The following PLPP3 variants were observed in gnomAD, a reference collection of about 807,000 sequenced individuals.
The protein encoded by PLPP3 is phospholipid phosphatase 3, also known as PAP2 beta.
PLPP3 carries 6 observed loss-of-function variants against 29.6 expected under a neutral mutation model. The ratio of observed to expected loss-of-function variants is 0.20; its 90% confidence interval spans 0.11 to 0.40. The LOEUF is 0.40. Among genes scored for constraint, PLPP3 ranks in the 10% least tolerant of loss-of-function variants. PLPP3 has a pLI of 1.00. For synonymous variants in PLPP3, 152 were observed against 159.7 expected, an observed-to-expected ratio of 0.95 and a Z score of 0.36; for missense variants, 308 against 407.7, an observed-to-expected ratio of 0.76 and a Z score of 2.11.
At chr1:56,534,323 T>G (rs2100262844) in intron 2 of PLPP3, among the ~76,000 whole-genome samples, 1 of 152,338 alleles carries the variant, frequency 6.6e-6, no homozygotes, top group Non-Finnish European at 1.5e-5. Flanking sequence ...GACTAGGTTT[T>G]TCCATATCTC....
At chr1:56,577,765 C>T (rs1252479865) in intron 1 of PLPP3, among the ~76,000 whole-genome samples, 1 of 152,082 alleles carries the variant, frequency 6.6e-6, no homozygotes, top group African/African-American at 2.4e-5. Flanking sequence ...GTTCCTAATG[C>T]GGGAAGGGGC....
At chr1:56,539,536 G>T (rs548339323) in intron 1 of PLPP3, among the ~76,000 whole-genome samples, 1 of 152,240 alleles carries the variant, frequency 6.6e-6, no homozygotes, top group Admixed American at 6.5e-5. Flanking sequence ...AATTCATACT[G>T]GTGCTTTGAA....
At chr1:56,557,012 G>GAAGGAAAGAA (rs60511169) in intron 1 of PLPP3, among the ~76,000 whole-genome samples, 3 of 9,104 alleles carry the variant, frequency 3.3e-4, no homozygotes, top group Non-Finnish European at 5.3e-4. Context: ...GAAAGAAAGA[G>GAAGGAAAGAA]AGAGAGAGAG....
At chr1:56,563,053 C>G (rs1646140992) in intron 1 of PLPP3, among the ~76,000 whole-genome samples, 1 of 152,160 alleles carries the variant, frequency 6.6e-6, no homozygotes, top group Non-Finnish European at 1.5e-5. Flanking sequence ...AGGAAGAGCC[C>G]TTGCTATGAT....
intron 1 of PLPP3, among the ~76,000 whole-genome samples, chr1:56,545,803 C>G (rs72920450): frequency 6.6e-6 from 1 of 152,176 alleles, no homozygotes; most frequent in Non-Finnish European, 1.5e-5. Flanking sequence ...ATAAACAACA[C>G]GTGGACTGGC....
In PLPP3 at chr1:56,537,065, G is replaced by A. The variant is rs1236594942; in HGVS notation, c.187C>T (p.His63Tyr). 1 of 1,613,582 alleles carries A rather than the reference G, an allele frequency of 6.2e-7. No homozygotes were observed. Among genetic ancestry groups the A allele is most frequent in the Non-Finnish European group, 8.5e-7 (1 of 1,179,814 alleles). Residue 63 changes from histidine to tyrosine, a missense_variant, in exon 2 of 6, where the codon CAC becomes TAC. This residue lies in a region of PLPP3 where 9 missense variants were observed against 29.3 expected (regional missense o/e 0.31). Coordinates refer to ENST00000371250, the MANE Select transcript of PLPP3 (RefSeq NM_003713.5). ...IIETSTIKPY[H>Y]RGFYCNDESI... ...TCATCATTGCAGTAAAACCCTCGGT[G>A]GTAAGGCTTGATGGTGCTTGTCTCG...
At chr1:56,505,745 AT>A (rs1645698147) in intron 5 of PLPP3, among the ~76,000 whole-genome samples, 2 of 152,196 alleles carry the variant, frequency 1.3e-5, no homozygotes, top group Non-Finnish European at 2.9e-5. Flanking sequence ...TTGACTGTTT[AT>A]GTTATCAGTA....
intron 1 of PLPP3, among the ~76,000 whole-genome samples, chr1:56,556,490 G>A (rs1219682519): frequency 6.6e-6 from 1 of 152,044 alleles, no homozygotes; most frequent in Non-Finnish European, 1.5e-5. Context: ...ATGCCAAAAT[G>A]GCAATAGTAT....
At chr1:56,566,572 G>A (rs970670788) in intron 1 of PLPP3, among the ~76,000 whole-genome samples, 1 of 152,104 alleles carries the variant, frequency 6.6e-6, no homozygotes, top group Non-Finnish European at 1.5e-5. Flanking sequence ...CCAAATTCCA[G>A]CCCCGATACA....
intron 1 of PLPP3, among the ~76,000 whole-genome samples, chr1:56,571,942 T>G (rs1646201080): frequency 6.6e-6 from 1 of 151,928 alleles, no homozygotes; most frequent in African/African-American, 2.4e-5. Context: ...ATGATTGGCC[T>G]GTATAATAAA....
At chr1:56,538,394 C>T in intron 1 of PLPP3, 1 of 337,338 alleles carries the variant, frequency 3.0e-6, no homozygotes, top group South Asian at 2.7e-5. Context: ...CTAGGGAAGA[C>T]CACCAAAAAC....
chr1:56,546,014 G>A (rs1646003267), intron 1 of PLPP3, among the ~76,000 whole-genome samples: 1 of 152,202 alleles, frequency 6.6e-6, no homozygotes, highest in Non-Finnish European at 1.5e-5. Flanking sequence ...TCACAAGCTG[G>A]CAGCCCATGG....
intron 1 of PLPP3, among the ~76,000 whole-genome samples, chr1:56,569,587 T>C (rs1022963327): frequency 7.2e-5 from 11 of 152,174 alleles, no homozygotes; most frequent in African/African-American, 2.7e-4. Flanking sequence ...AGGTAGTAGG[T>C]TTCTCTATGA....
chr1:56,549,465 A>G (rs1014793854), intron 1 of PLPP3, among the ~76,000 whole-genome samples: 9 of 152,118 alleles, frequency 5.9e-5, no homozygotes, highest in African/African-American at 2.2e-4. Context: ...ACACTTCCTC[A>G]TCTGCTCTCT....
chr1:56,567,630 C>T (rs1646170469), intron 1 of PLPP3, among the ~76,000 whole-genome samples: 2 of 152,058 alleles, frequency 1.3e-5, no homozygotes, highest in African/African-American at 4.8e-5. Flanking sequence ...ATCTCCTGAC[C>T]TCGTGATCCA....
intron 4 of PLPP3, among the ~76,000 whole-genome samples, chr1:56,521,297 C>T (rs1016655063): frequency 3.4e-5 from 5 of 148,530 alleles, no homozygotes; most frequent in African/African-American, 1.2e-4. Flanking sequence ...TCAGATGTTA[C>T]AAGAGCTGGG....
At chr1:56,504,816 C>G (rs1199021864) in intron 5 of PLPP3, among the ~76,000 whole-genome samples, 3 of 152,114 alleles carry the variant, frequency 2.0e-5, no homozygotes, top group East Asian at 3.9e-4. Flanking sequence ...TCTTGTAACC[C>G]CACTGTCCTC....
At chr1:56,571,187 C>A (rs572776421) in intron 1 of PLPP3, among the ~76,000 whole-genome samples, 61 of 152,336 alleles carry the variant, frequency 4.0e-4, no homozygotes, top group African/African-American at 1.4e-3. Flanking sequence ...CAATTACTAA[C>A]CAACCAAGAC....
intron 5 of PLPP3, among the ~76,000 whole-genome samples, chr1:56,504,419 T>C (rs184142779): frequency 1.3e-5 from 2 of 152,244 alleles, no homozygotes; most frequent in African/African-American, 4.8e-5. Flanking sequence ...CCCAGGGGAC[T>C]GACAGCTCTG....
Sources: allele counts gnomAD v4.1 joint callset (sites outside exome capture counted in the v4.1 genomes callset), GRCh38; gene constraint gnomAD v4.1.1; regional missense constraint gnomAD v4.1.1; transcripts MANE v1.5; gene names NCBI Gene and HGNC (gene_info 2026-07-23, HGNC 2026-07-21).